TACC3: variants seen among roughly 807,000 people sequenced by gnomAD.
TACC3 encodes the protein transforming acidic coiled-coil containing protein 3.
In TACC3, 52 loss-of-function variants were observed where a neutral mutation model predicts 86.0. The observed-to-expected ratio is 0.60, with a 90% confidence interval of 0.48 to 0.76. The LOEUF is 0.76. Ranked by LOEUF, TACC3 falls within the 30% of genes least tolerant of loss-of-function variation. The pLI, the probability that TACC3 is intolerant of heterozygous loss-of-function variation, is 0.00. For missense variants in TACC3, 1,120 were observed against 1,070.4 expected, an observed-to-expected ratio of 1.05 and a Z score of -0.65; for synonymous variants, 512 against 430.0, an observed-to-expected ratio of 1.19 and a Z score of -2.36.
chr4:1,742,630 G>A (rs1476564851), intron 13 of TACC3, among the ~76,000 whole-genome samples: 7 of 151,974 alleles, frequency 4.6e-5, no homozygotes, highest in African/African-American at 1.5e-4. Flanking sequence ...ATGAAACTCC[G>A]TCTCCTAAAA....
At chr4:1,725,470 C>G (rs1352533138) in intron 3 of TACC3, among the ~76,000 whole-genome samples, 1 of 152,186 alleles carries the variant, frequency 6.6e-6, no homozygotes, top group East Asian at 1.9e-4. Context: ...GAAATTTGGT[C>G]AAACGAAGCG....
At chr4:1,738,872 C>T (rs1718419346) in intron 10 of TACC3, among the ~76,000 whole-genome samples, 1 of 151,932 alleles carries the variant, frequency 6.6e-6, no homozygotes, top group Admixed American at 6.6e-5. Context: ...TGACTTAGGT[C>T]AGAGCAGGTG....
intron 6 of TACC3, 25 bp downstream of exon 6, chr4:1,731,326 C>T (rs752145610): frequency 6.2e-7 from 1 of 1,611,582 alleles, no homozygotes; most frequent in Non-Finnish European, 8.5e-7. Context: ...ACAGACGTCA[C>T]ACACAGTCTG....
intron 6 of TACC3, among the ~76,000 whole-genome samples, chr4:1,732,219 C>G (rs1212733413): frequency 1.3e-5 from 2 of 148,596 alleles, no homozygotes; most frequent in Non-Finnish European, 3.0e-5. Context: ...TAAATAAATA[C>G]GGTTTGTCCG....
At chr4:1,737,902 T>G in intron 10 of TACC3, 200 bp downstream of exon 10, 1 of 681,334 alleles carries the variant, frequency 1.5e-6, no homozygotes. Context: ...TTCCACCCAG[T>G]GTCCCCGCAG....
chr4:1,732,531 A>G (rs1473883659), intron 6 of TACC3, among the ~76,000 whole-genome samples: 2 of 152,266 alleles, frequency 1.3e-5, no homozygotes, highest in East Asian at 1.9e-4. Context: ...GAGTTGTTTT[A>G]AAGGACACAC....
chr4:1,730,901 C>T lies in TACC3; in HGVS notation c.1400C>T (p.Ala467Val). The T allele has an allele frequency of 6.2e-7, 1 of 1,613,310 alleles. No individual in the cohort carries two copies. Among genetic ancestry groups the T allele is most frequent in the Non-Finnish European group, 8.5e-7 (1 of 1,180,044 alleles). ...TGTCTCCCCAGGCAGCTGCATTCAG[C>T]CTCAGCGGAGGACACGCCTGTGGTG... Reference protein sequence around the residue: ...GPCLSQQLHSASAEDTPVVQL... With the variant: ...GPCLSQQLHSVSAEDTPVVQL... Residue 467 changes from alanine (A) to valine (V), a missense_variant, in exon 5 of 16, where the codon GCC (alanine) becomes GTC (valine). Ala to Val is a moderately conservative substitution (Grantham distance 64, BLOSUM62 0). Transcript: ENST00000313288.
intron 13 of TACC3, chr4:1,741,722 AGCGGCCCTTGCAGGGCCT>A (rs1361827986): frequency 6.6e-6 from 1 of 152,260 alleles, no homozygotes; most frequent in Non-Finnish European, 1.5e-5. Flanking sequence ...AAACTGGAAA[AGCGGCCCTTGCAGGGCCT>A]GCTGAGCCAC....
At position 1,731,114 on chromosome 4, in the gene TACC3, A is replaced by T. The variant is rs374096828; in HGVS notation, c.1462-58A>T. On this transcript the variant is annotated intron_variant, in intron 5 of 15. Transcript: ENST00000313288. ...CTTCAACAAGGTTGTGGGGAGGCAAAGCCACACCCCAAGTACCTTGACTGC... is the reference window on the plus strand; with the variant it reads ...CTTCAACAAGGTTGTGGGGAGGCAATGCCACACCCCAAGTACCTTGACTGC... 5.0e-6 allele frequency: 8 copies of T among 1,603,508 alleles called. No individual in the cohort carries two copies. The South Asian group carries it at 8.8e-5, about 18-fold the overall frequency.
intron 6 of TACC3, among the ~76,000 whole-genome samples, chr4:1,733,579 A>G (rs547791229): frequency 2.6e-5 from 4 of 152,152 alleles, no homozygotes; most frequent in African/African-American, 9.6e-5. Context: ...GGCTCGCTTG[A>G]GCCAGGAGGT....
chr4:1,744,290 G>A, intron 13 of TACC3: 1 of 543,482 alleles, frequency 1.8e-6, no homozygotes, highest in Non-Finnish European at 3.3e-6. Context: ...GAGGGCACCA[G>A]GTTCAGGCCC....
At chr4:1,727,161 G>C (rs1717728505) in intron 3 of TACC3, among the ~76,000 whole-genome samples, 5 of 151,956 alleles carry the variant, frequency 3.3e-5, no homozygotes. Context: ...TAAAGGAAGT[G>C]GTGGGAAATT....
intron 12 of TACC3, chr4:1,740,499 C>G (rs185970313): frequency 3.1e-6 from 1 of 324,186 alleles, no homozygotes; most frequent in African/African-American, 2.1e-5. Context: ...AGGACCACCA[C>G]GAAGCACGAC....
At chr4:1,739,590 T>G (rs1379096114) in intron 10 of TACC3, 112 bp from the exon 11 acceptor site, 7 of 997,692 alleles carry the variant, frequency 7.0e-6, no homozygotes, top group Non-Finnish European at 4.5e-6. Context: ...GAACTGTGCC[T>G]CTGGGACATT....
intron 6 of TACC3, 128 bp downstream of exon 6, chr4:1,731,429 G>C: frequency 9.3e-7 from 1 of 1,075,278 alleles, no homozygotes; most frequent in South Asian, 1.5e-5. Flanking sequence ...CCTTGACTTT[G>C]AATGACTCAT....
At chr4:1,729,545 G>A (rs2108691090) in intron 4 of TACC3, among the ~76,000 whole-genome samples, 1 of 152,324 alleles carries the variant, frequency 6.6e-6, no homozygotes, top group African/African-American at 2.4e-5. Context: ...CTGTTTGGCA[G>A]CCAAGGCGGA....
chr4:1,736,223 C>T (rs1718255448), intron 8 of TACC3, among the ~76,000 whole-genome samples: 1 of 151,730 alleles, frequency 6.6e-6, no homozygotes. Context: ...CAGGAGTTTG[C>T]CACCAGCCTG....
Position 1,741,022 on chromosome 4 carries a change from G to A in TACC3, c.2223+36G>A, listed in dbSNP as rs762660551. ...GCCACCCTGGTGTCCTCACCTCGGAGGCTGATGGACTCATGGTCCAAGCCA... is the reference window on the plus strand; with the variant it reads ...GCCACCCTGGTGTCCTCACCTCGGAAGCTGATGGACTCATGGTCCAAGCCA... On this transcript the variant is annotated intron_variant, in intron 13 of 15. Coordinates refer to ENST00000313288, the MANE Select transcript of TACC3 (RefSeq NM_006342.3). 1.9e-6 allele frequency: 3 copies of A among 1,571,816 alleles called. No individual in the cohort carries two copies. The African/African-American group carries it at 4.1e-5, about 22-fold the overall frequency.
chr4:1,729,073 C>A (rs549997275), intron 4 of TACC3, among the ~76,000 whole-genome samples: 1 of 152,268 alleles, frequency 6.6e-6, no homozygotes, highest in East Asian at 1.9e-4. Context: ...TGGGCAGGAC[C>A]CTGTCCCCCA....
Sources: allele counts gnomAD v4.1 joint callset (sites outside exome capture counted in the v4.1 genomes callset), GRCh38; gene constraint gnomAD v4.1.1; transcripts MANE v1.5; gene names NCBI Gene and HGNC (gene_info 2026-07-23, HGNC 2026-07-21).